PICALM: variants seen among roughly 807,000 people sequenced by gnomAD.
PICALM encodes the protein phosphatidylinositol binding clathrin assembly protein.
In PICALM, 40 loss-of-function variants were observed where a neutral mutation model predicts 80.5. That is an observed-to-expected ratio of 0.50 (90% CI 0.39 to 0.65). The LOEUF is 0.65. PICALM is among the 30% of genes least tolerant of loss of function. PICALM has a pLI of 0.00. For synonymous variants in PICALM, 288 were observed against 260.3 expected, an observed-to-expected ratio of 1.11 and a Z score of -1.02; for missense variants, 676 against 778.9, an observed-to-expected ratio of 0.87 and a Z score of 1.57.
At chr11:85,963,810 G>C (rs2093775772) in intron 19 of PICALM, among the ~76,000 whole-genome samples, 1 of 151,778 alleles carries the variant, frequency 6.6e-6, no homozygotes, top group Admixed American at 6.6e-5. Flanking sequence ...AGGCTGTAGT[G>C]TAGTGGCGCA....
chr11:85,992,486 A>G (rs1322337030), intron 12 of PICALM, among the ~76,000 whole-genome samples: 2 of 151,712 alleles, frequency 1.3e-5, no homozygotes, highest in Non-Finnish European at 2.9e-5. Context: ...GGGTTTCACC[A>G]TGTTGGCTAG....
chr11:86,001,815 C>T lies in PICALM; in HGVS notation c.894-657G>A, dbSNP rs573856650. On this transcript the variant is annotated intron_variant, in intron 9 of 19. Transcript: ENST00000393346. ...CACCTCCTTTCCCTTTTATCAAAAA[C>T]GTATCCACACTATAAACCTCAACAT... is the stretch of plus-strand genomic sequence containing the variant. Among the ~76,000 whole-genome samples, 11 of 152,236 alleles carry T rather than the reference C, an allele frequency of 7.2e-5. No homozygotes were observed. In the South Asian group the frequency reaches 8.3e-4, roughly 11 times the overall value.
chr11:86,011,823 C>G (rs959945389), intron 6 of PICALM, among the ~76,000 whole-genome samples: 1 of 150,352 alleles, frequency 6.7e-6, no homozygotes, highest in African/African-American at 2.4e-5. Context: ...GGTAAAATAC[C>G]TGTAACATAA....
At chr11:85,961,572 G>A (rs1297502138) in intron 19 of PICALM, among the ~76,000 whole-genome samples, 1 of 152,180 alleles carries the variant, frequency 6.6e-6, no homozygotes, top group East Asian at 1.9e-4. Flanking sequence ...GAAGAACCAA[G>A]ATATTAATTT....
chr11:85,976,476 G>A, intron 18 of PICALM, 147 bp downstream of exon 18: 1 of 555,104 alleles, frequency 1.8e-6, no homozygotes, highest in Non-Finnish European at 3.3e-6. Flanking sequence ...ACATACTTAT[G>A]AAACCAATGC....
At chr11:86,023,051 T>A (rs2095594025) in intron 3 of PICALM, among the ~76,000 whole-genome samples, 1 of 152,188 alleles carries the variant, frequency 6.6e-6, no homozygotes, top group African/African-American at 2.4e-5. Flanking sequence ...CATTCTAAGA[T>A]TTTGTTTCAT....
intron 7 of PICALM, among the ~76,000 whole-genome samples, chr11:86,010,361 C>G (rs905222514): frequency 1.6e-4 from 24 of 149,214 alleles, no homozygotes; most frequent in African/African-American, 5.7e-4. Context: ...GAGTCTTGCT[C>G]TGTCGCCCAG....
intron 1 of PICALM, among the ~76,000 whole-genome samples, chr11:86,058,650 A>T (rs2096306861): frequency 2.6e-5 from 4 of 152,138 alleles, no homozygotes. Context: ...CCACCACCCT[A>T]ACCTTTGCCT....
intron 1 of PICALM, among the ~76,000 whole-genome samples, chr11:86,066,757 A>C (rs936443058): frequency 1.3e-5 from 2 of 151,478 alleles, no homozygotes; most frequent in Non-Finnish European, 2.9e-5. Context: ...AAAAAAAAAA[A>C]ACAAAAAAAA....
chr11:86,007,453 G>T, intron 8 of PICALM, 89 bp downstream of exon 8: 1 of 751,606 alleles, frequency 1.3e-6, no homozygotes, highest in South Asian at 1.5e-5. Flanking sequence ...TGATCCCTTT[G>T]ACAATGGGGG....
chr11:86,044,515 A>T (rs922365502), intron 1 of PICALM, among the ~76,000 whole-genome samples: 6 of 152,214 alleles, frequency 3.9e-5, no homozygotes, highest in Admixed American at 1.3e-4. Flanking sequence ...TTATTTATTC[A>T]CATGCTTCAC....
chr11:85,967,319 C>T (rs916460083), intron 19 of PICALM, among the ~76,000 whole-genome samples: 1 of 152,200 alleles, frequency 6.6e-6, no homozygotes, highest in African/African-American at 2.4e-5. Context: ...ACTTCACAGG[C>T]ACCCCGGACT....
chr11:86,027,190 G>A (rs1245750112), intron 2 of PICALM, among the ~76,000 whole-genome samples: 1 of 152,038 alleles, frequency 6.6e-6, no homozygotes, highest in African/African-American at 2.4e-5. Flanking sequence ...AAGTTGTATT[G>A]ACATATTTCT....
rs2093584798 is a variant in PICALM, at chr11:85,958,387, G to T, written c.*659C>A. The stretch of plus-strand genomic sequence containing the variant: ...GTATGTCAGCTGAGAAAAGCATTCT[G>T]AATCAGATTCATTCTTGTGGATAAA... On this transcript the variant is annotated 3_prime_UTR_variant, in exon 20 of 20. Transcript: ENST00000393346. 4.7e-6 allele frequency: 1 copy of T among 213,916 alleles called. No individual in the cohort carries two copies. 13.3% of individuals were successfully genotyped at this position (213,916 alleles called of 1,614,324 possible).
In PICALM at chr11:86,014,281, A is replaced by T. The variant is rs1424596043; in HGVS notation, c.546+589T>A. ...CAATCTCTAAAACAAAATGACAAATAAATAATAAACAAAACATTGTTAAGA... is the reference window on the plus strand; with the variant it reads ...CAATCTCTAAAACAAAATGACAAATTAATAATAAACAAAACATTGTTAAGA... On this transcript the variant is annotated intron_variant, in intron 5 of 19. Coordinates refer to ENST00000393346, the MANE Select transcript of PICALM (RefSeq NM_007166.4). 3.3e-5 allele frequency among the ~76,000 whole-genome samples: 5 copies of T among 152,200 alleles called. No individual in the cohort carries two copies. The East Asian group carries it at 9.6e-4, about 29-fold the overall frequency.
intron 11 of PICALM, among the ~76,000 whole-genome samples, chr11:85,998,117 AT>A (rs951018245): frequency 1.4e-5 from 2 of 141,620 alleles, no homozygotes; most frequent in African/African-American, 2.7e-5. Flanking sequence ...CTTCTATGTA[AT>A]TTTTTTTATT....
At chr11:86,052,844 C>G (rs868696825) in intron 1 of PICALM, among the ~76,000 whole-genome samples, 1 of 152,194 alleles carries the variant, frequency 6.6e-6, no homozygotes, top group South Asian at 2.1e-4. Flanking sequence ...TTGCACCCAA[C>G]CTGTCCCTCT....
At chr11:86,036,500 T>C (rs1281226500) in intron 1 of PICALM, among the ~76,000 whole-genome samples, 1 of 152,190 alleles carries the variant, frequency 6.6e-6, no homozygotes, top group African/African-American at 2.4e-5. Flanking sequence ...AATTGGACTT[T>C]AATAACTGGG....
chr11:85,980,192 G>A (rs2094399951), intron 17 of PICALM, among the ~76,000 whole-genome samples: 1 of 152,114 alleles, frequency 6.6e-6, no homozygotes, highest in Non-Finnish European at 1.5e-5. Flanking sequence ...AGCTGAGATG[G>A]AACAAAGGAC....
Sources: allele counts gnomAD v4.1 joint callset (sites outside exome capture counted in the v4.1 genomes callset), GRCh38; gene constraint gnomAD v4.1.1; transcripts MANE v1.5; gene names NCBI Gene and HGNC (gene_info 2026-07-23, HGNC 2026-07-21).